Variants in LINC00632 observed in about 807,000 individuals in gnomAD.
LINC00632 encodes the protein long independently transcribed non-coding RNA 632.
intron 3 of LINC00632, among the ~76,000 whole-genome samples, chrX:140,766,286 C>T (rs1367807811): frequency 8.9e-6 from 1 of 111,971 alleles, no homozygotes; most frequent in Non-Finnish European, 1.9e-5. Flanking sequence ...ATTTAAAAAA[C>T]TTCCATCCAG....
chrX:140,788,325 TTAAA>T (rs1222661506), exon 5 of LINC00632, among the ~76,000 whole-genome samples: 5 of 110,363 alleles, frequency 4.5e-5, no homozygotes, highest in African/African-American at 9.8e-5. Context: ...ATTATTAACA[TTAAA>T]TAAAAAGGCA....
At chrX:140,754,790 A>C (rs1931465976) in intron 3 of LINC00632, among the ~76,000 whole-genome samples, 1 of 110,559 alleles carries the variant, frequency 9.0e-6, no homozygotes, top group Admixed American at 9.7e-5. Flanking sequence ...CGGACCTCTA[A>C]CATGGAGCAA....
intron 2 of LINC00632, among the ~76,000 whole-genome samples, chrX:140,733,575 T>C (rs1044649585): frequency 5.3e-5 from 6 of 112,280 alleles, no homozygotes; most frequent in African/African-American, 1.9e-4. Flanking sequence ...ATGTTGCTGC[T>C]TATTGCTGTT....
At chrX:140,770,586 G>A (rs1409407356) in intron 3 of LINC00632, among the ~76,000 whole-genome samples, 5 of 111,471 alleles carry the variant, frequency 4.5e-5, no homozygotes, top group Non-Finnish European at 9.4e-5. Flanking sequence ...ATAAATTACT[G>A]ATAACATTGT....
At chrX:140,790,020 A>C (rs1932083511) in exon 5 of LINC00632, among the ~76,000 whole-genome samples, 1 of 111,426 alleles carries the variant, frequency 9.0e-6, no homozygotes, top group African/African-American at 3.3e-5. Flanking sequence ...CAAGATTAAA[A>C]AAGTATTCTC....
intron 2 of LINC00632, chrX:140,712,116 A>G (rs1019271668): frequency 1.8e-5 from 2 of 110,396 alleles, no homozygotes; most frequent in Non-Finnish European, 3.8e-5. Context: ...ACATTTTGCA[A>G]TGGTACTCCT....
intron 3 of LINC00632, among the ~76,000 whole-genome samples, chrX:140,736,215 T>C (rs1931140821): frequency 9.0e-6 from 1 of 110,848 alleles, no homozygotes. Context: ...AATTTTAAAT[T>C]AAACAATGTA....
chrX:140,769,198 G>A (rs2024705), intron 3 of LINC00632, among the ~76,000 whole-genome samples: 52,199 of 110,123 alleles, frequency 0.47, 9,415 homozygotes, highest in East Asian at 0.61. Context: ...ACTGTTTGGG[G>A]AATAAAAAGC....
intron 3 of LINC00632, among the ~76,000 whole-genome samples, chrX:140,746,747 G>A (rs965405086): frequency 8.9e-6 from 1 of 112,273 alleles, no homozygotes; most frequent in Non-Finnish European, 1.9e-5. Flanking sequence ...AAAAAGAGCC[G>A]TGTGCTTGCT....
At chrX:140,738,504 C>A (rs886371565) in intron 3 of LINC00632, among the ~76,000 whole-genome samples, 3 of 112,094 alleles carry the variant, frequency 2.7e-5, no homozygotes, top group African/African-American at 9.7e-5. Context: ...CATGTTTGAG[C>A]AAAATGTCCT....
intron 2 of LINC00632, among the ~76,000 whole-genome samples, chrX:140,723,490 A>G (rs1930784993): frequency 2.5e-5 from 1 of 39,826 alleles, no homozygotes; most frequent in Non-Finnish European, 4.7e-5. Context: ...CACACATTCC[A>G]TACACGCACA....
exon 5 of LINC00632, among the ~76,000 whole-genome samples, chrX:140,788,308 TATG>T (rs1013468800): frequency 1.8e-5 from 2 of 110,419 alleles, no homozygotes; most frequent in African/African-American, 6.5e-5. Flanking sequence ...TTAATAATTT[TATG>T]ATTATTATTA....
intron 2 of LINC00632, among the ~76,000 whole-genome samples, chrX:140,730,047 T>G (rs1217930848): frequency 9.1e-6 from 1 of 109,837 alleles, no homozygotes; most frequent in Non-Finnish European, 1.9e-5. Flanking sequence ...CAACTAATTT[T>G]TGTATTTTTA....
chrX:140,772,131 C>T (rs917612647), exon 4 of LINC00632: 3 of 292,992 alleles, frequency 1.0e-5, no homozygotes, highest in African/African-American at 5.5e-5. Context: ...CTGAGTTCCA[C>T]GATCGCTTCA....
At chrX:140,711,764 C>T in intron 2 of LINC00632, 1 of 151,821 alleles carries the variant, frequency 6.6e-6, no homozygotes, top group African/African-American at 3.1e-5. Flanking sequence ...TTAATTTTTA[C>T]CATTTATGGT....
At position 140,761,501 on chromosome X, in the gene LINC00632, A is replaced by G. The variant is rs891328344; in HGVS notation, n.192-10577A>G. ...CCTCTTCTTGAGAACTCTGTGGCTTACACTGTCGAAGCTCTAAGCAAACGT... is the reference window on the plus strand; with the variant it reads ...CCTCTTCTTGAGAACTCTGTGGCTTGCACTGTCGAAGCTCTAAGCAAACGT... On this transcript the variant is annotated intron_variant and non_coding_transcript_variant, in intron 3 of 4. Transcript: ENST00000648200. Among the ~76,000 whole-genome samples the G allele has an allele frequency of 1.4e-4, 16 of 112,675 alleles. 1 individual carries two copies. The Middle Eastern group carries it at 0.014, about 96-fold the overall frequency.
intron 2 of LINC00632, among the ~76,000 whole-genome samples, chrX:140,722,479 A>G (rs183005724): frequency 8.6e-4 from 95 of 110,718 alleles, no homozygotes; most frequent in African/African-American, 2.9e-3. Context: ...GAGTAGCTCC[A>G]TAAAATACCT....
chrX:140,777,213 A>G (rs1362235797), exon 5 of LINC00632, among the ~76,000 whole-genome samples: 2 of 109,463 alleles, frequency 1.8e-5, no homozygotes, highest in Admixed American at 9.7e-5. Flanking sequence ...ACCTAGATGA[A>G]GGGTTGATGG....
At chrX:140,743,572 G>A (rs1341793961) in intron 3 of LINC00632, among the ~76,000 whole-genome samples, 1 of 111,193 alleles carries the variant, frequency 9.0e-6, no homozygotes, top group Non-Finnish European at 1.9e-5. Flanking sequence ...AAAAAAAAAG[G>A]TAAAGACAGC....
Sources: allele counts gnomAD v4.1 joint callset (sites outside exome capture counted in the v4.1 genomes callset), GRCh38; gene constraint gnomAD v4.1.1; transcripts MANE v1.5; gene names NCBI Gene and HGNC (gene_info 2026-07-23, HGNC 2026-07-21).